Variants in DUOXA2 observed in about 807,000 individuals in gnomAD.
The protein encoded by DUOXA2 is dual oxidase maturation factor 2.
In DUOXA2, 22 loss-of-function variants were observed where a neutral mutation model predicts 27.6. That is an observed-to-expected ratio of 0.80 (90% CI 0.57 to 1.14). The LOEUF (loss-of-function observed/expected upper bound fraction) is 1.14, where lower values mean the gene tolerates loss of function less well. Among genes scored for constraint, DUOXA2 ranks in the 50% most tolerant of loss-of-function variants. DUOXA2 has a pLI of 0.00. For missense variants in DUOXA2, 481 were observed against 419.9 expected (o/e 1.15, Z -1.27); for synonymous variants, 188 against 184.4 (o/e 1.02, Z -0.16).
chr15:45,114,461 A>T lies in DUOXA2; in HGVS notation c.-145A>T. ...CCACCTCCACGCTTCCTTAACGGAG[A>T]GGTGCAGGACTCAGACTTCACCAGC... is the stretch of plus-strand genomic sequence containing the variant. On this transcript the variant is annotated 5_prime_UTR_variant, in exon 1 of 6. Coordinates refer to ENST00000323030, the MANE Select transcript of DUOXA2 (RefSeq NM_207581.4). 9.5e-7 allele frequency: 1 copy of T among 1,051,472 alleles called. No individual in the cohort carries two copies. The highest frequency in any genetic ancestry group is 2.1e-5 in the Admixed American group (1 of 47,862). 65.1% of individuals were successfully genotyped at this position (1,051,472 alleles called of 1,614,324 possible).
chr15:45,117,430 C>T lies in DUOXA2; in HGVS notation c.769+125C>T, dbSNP rs1384224210. On this transcript the variant is annotated intron_variant, in intron 5 of 5. Coordinates refer to ENST00000323030, the MANE Select transcript of DUOXA2 (RefSeq NM_207581.4). Reference sequence around the variant, plus strand: ...CCTATTTGCCCCTCTCAATAGTTCGCAGAAACAGGCACTGTTATGACCATT... The same window carrying T: ...CCTATTTGCCCCTCTCAATAGTTCGTAGAAACAGGCACTGTTATGACCATT... 1.3e-5 allele frequency: 20 copies of T among 1,524,406 alleles called. No individual in the cohort carries two copies. In the South Asian group the frequency reaches 2.3e-4, roughly 17 times the overall value. The allele number at this position is 1,524,406 out of a possible 1,614,324, so 94.4% of individuals were successfully genotyped here. A position where few individuals can be genotyped will look rare whatever the true frequency, so the allele number is the denominator to read the frequency against.
Position 45,118,146 on chromosome 15 carries a change from G to C in DUOXA2, c.*237G>C, listed in dbSNP as rs965188656. On this transcript the variant is annotated 3_prime_UTR_variant, in exon 6 of 6. Coordinates refer to ENST00000323030, the MANE Select transcript of DUOXA2 (RefSeq NM_207581.4). Reference sequence around the variant, plus strand: ...AATTTTCATGGCTTCTCCGCGCCGGGGTCGCACGTCCTCATGAGCTTCGCT... The same window carrying C: ...AATTTTCATGGCTTCTCCGCGCCGGCGTCGCACGTCCTCATGAGCTTCGCT... The C allele has an allele frequency of 8.3e-6, 12 of 1,438,352 alleles. No homozygotes were observed. The highest frequency in any genetic ancestry group is 1.1e-5 in the Non-Finnish European group (12 of 1,101,192). 89.1% of individuals were successfully genotyped at this position (1,438,352 alleles called of 1,614,324 possible). A position where few individuals can be genotyped will look rare whatever the true frequency, so the allele number is the denominator to read the frequency against.
chr15:45,114,412 CA>C lies in DUOXA2; in HGVS notation c.-192del, dbSNP rs1215214809. 1.5e-6 allele frequency: 1 copy of C among 673,088 alleles called. No homozygotes were observed. The highest frequency in any genetic ancestry group is 2.7e-5 in the East Asian group (1 of 36,478). 41.7% of individuals were successfully genotyped at this position (673,088 alleles called of 1,614,324 possible). ...CCGGCTAGAAAAACTCTGTCGGTAC[CA>C]ACCCCAGAGCGTTGAGAGCAGCCCA... On this transcript the variant is annotated 5_prime_UTR_variant, in exon 1 of 6. Coordinates refer to ENST00000323030, the MANE Select transcript of DUOXA2 (RefSeq NM_207581.4).
Position 45,118,193 on chromosome 15 carries a change from A to G in DUOXA2, c.*284A>G, listed in dbSNP as rs908595646. The G allele has an allele frequency of 7.7e-5, 109 of 1,422,490 alleles. No homozygotes were observed. Among genetic ancestry groups the G allele is most frequent in the Middle Eastern group, 5.2e-4 (2 of 3,868 alleles). 88.1% of individuals were successfully genotyped at this position (1,422,490 alleles called of 1,614,324 possible). Reference sequence around the variant, plus strand: ...CGCTGGGCTGGAGACAGCCTAGTACACTCTCCGCAGTGCTGTGAAACCTGA... The same window carrying G: ...CGCTGGGCTGGAGACAGCCTAGTACGCTCTCCGCAGTGCTGTGAAACCTGA... On this transcript the variant is annotated 3_prime_UTR_variant, in exon 6 of 6. Transcript: ENST00000323030.
intron 2 of DUOXA2, 110 bp downstream of exon 2, chr15:45,115,966 C>G: frequency 6.3e-7 from 1 of 1,590,068 alleles, no homozygotes; most frequent in Non-Finnish European, 8.6e-7. Flanking sequence ...CCTCTTCCCA[C>G]TCTCCAGCTC....
chr15:45,117,456 T>A, intron 5 of DUOXA2, 151 bp downstream of exon 5: 1 of 1,545,624 alleles, frequency 6.5e-7, no homozygotes. Flanking sequence ...TATGACCATT[T>A]TACAGATGAA....
At position 45,117,876 on chromosome 15, in the gene DUOXA2, C is replaced by A. The variant is rs575532094; in HGVS notation, c.930C>A (p.Leu310=). The A allele has an allele frequency of 6.2e-7, 1 of 1,613,600 alleles. No individual in the cohort carries two copies. The highest frequency in any genetic ancestry group is 1.1e-5 in the South Asian group (1 of 91,088). ...ACCCACTGCACAAGCAGGCCGCTCT[C>A]CCAGACTTAAAATGTATCACCACTA... The part of the protein sequence containing the change: ...LGDPLHKQAA[L]PDLKCITTNL Residue 310 remains leucine, a synonymous_variant, in exon 6 of 6, where the codon CTC becomes CTA. Transcript: ENST00000323030.
Position 45,116,151 on chromosome 15 carries a change from T to C in DUOXA2, c.233T>C (p.Val78Ala). 3 of 1,613,330 alleles carry C rather than the reference T, an allele frequency of 1.9e-6. No homozygotes were observed. In the East Asian group the frequency reaches 6.7e-5, roughly 36 times the overall value. Residue 78 changes from valine to alanine, a missense_variant, in exon 3 of 6, where the codon GTG becomes GCG. Val to Ala is a moderately conservative substitution (Grantham distance 64, BLOSUM62 0). Transcript: ENST00000323030. Reference protein sequence around the residue: ...VAVHFSAEWFVGTVNTNTSYK... With the variant: ...VAVHFSAEWFAGTVNTNTSYK... ...GTGCACTTCAGTGCAGAATGGTTCG[T>C]GGGTACAGTGAACACCAACACATCC... is the stretch of plus-strand genomic sequence containing the variant.
rs1370114 is a variant in DUOXA2, at chr15:45,116,998, A to G, written c.555-93A>G. On this transcript the variant is annotated intron_variant, in intron 4 of 5. Transcript: ENST00000323030. Reference sequence around the variant, plus strand: ...GCTGCCATCCCAGTCCCTGGCTTTGACGCTGGGGTAGGGATAAAGAAGAGC... The same window carrying G: ...GCTGCCATCCCAGTCCCTGGCTTTGGCGCTGGGGTAGGGATAAAGAAGAGC... 1,437,894 of 1,439,734 alleles carry G rather than the reference A, an allele frequency of 1. 718,049 individuals are homozygous for G. The highest frequency in any genetic ancestry group is 1 in the East Asian group (40,574 of 40,574). 89.2% of individuals were successfully genotyped at this position (1,439,734 alleles called of 1,614,324 possible).
rs1459160286 is a variant in DUOXA2 at position 45,118,106 on chromosome 15, A to G, written c.*197A>G. 2.0e-6 allele frequency: 3 copies of G among 1,489,614 alleles called. No homozygotes were observed. The highest frequency in any genetic ancestry group is 2.7e-5 in the South Asian group (2 of 73,820). 92.3% of individuals were successfully genotyped at this position (1,489,614 alleles called of 1,614,324 possible). On this transcript the variant is annotated 3_prime_UTR_variant, in exon 6 of 6. Coordinates refer to ENST00000323030, the MANE Select transcript of DUOXA2 (RefSeq NM_207581.4). Reference sequence around the variant, plus strand: ...CCTTTTTTTCTTTTGTTTTTTAAAAACTGTTTTTCCCATTAATTTTCATGG... The same window carrying G: ...CCTTTTTTTCTTTTGTTTTTTAAAAGCTGTTTTTCCCATTAATTTTCATGG...
chr15:45,117,313 C>T lies in DUOXA2; in HGVS notation c.769+8C>T, dbSNP rs774186380. 2 of 1,585,318 alleles carry T rather than the reference C, an allele frequency of 1.3e-6. No individual in the cohort carries two copies. Among genetic ancestry groups the T allele is most frequent in the South Asian group, 2.3e-5 (2 of 88,030 alleles). On this transcript the variant is annotated splice_region_variant and intron_variant, in intron 5 of 5. Coordinates refer to ENST00000323030, the MANE Select transcript of DUOXA2 (RefSeq NM_207581.4). Reference sequence around the variant, plus strand: ...GGGTCACGCTGGCAACCGGTGAGGACCGAGAGAATGGGCCCCGGGGGCTAA... The same window carrying T: ...GGGTCACGCTGGCAACCGGTGAGGATCGAGAGAATGGGCCCCGGGGGCTAA...
At chr15:45,116,950 C>A in intron 4 of DUOXA2, 141 bp from the exon 5 acceptor site, 2 of 1,150,592 alleles carry the variant, frequency 1.7e-6, no homozygotes, top group South Asian at 1.4e-5. Context: ...GCCCGCTTCT[C>A]CCCCGGGGAA....
intron 4 of DUOXA2, 152 bp downstream of exon 4, chr15:45,116,881 C>A (rs760877884): frequency 1.7e-4 from 192 of 1,106,294 alleles, no homozygotes; most frequent in Non-Finnish European, 2.3e-4. Flanking sequence ...GTTAGAAGAT[C>A]CACGAGATCT....
chr15:45,114,655 C>A lies in DUOXA2; in HGVS notation c.50C>A (p.Ala17Asp), dbSNP rs768690528. The A allele has an allele frequency of 1.2e-6, 2 of 1,614,146 alleles. No individual in the cohort carries two copies. Among genetic ancestry groups the A allele is most frequent in the South Asian group, 2.2e-5 (2 of 91,096 alleles). ...CCTTTTTACCCCCAGCCCCGGCATGCCGCAGGCTTCAGCGTTCCACTGCTC... is the reference window on the plus strand; with the variant it reads ...CCTTTTTACCCCCAGCCCCGGCATGACGCAGGCTTCAGCGTTCCACTGCTC... ...VLPFYPQPRHAAGFSVPLLIV... is the reference protein window; with the variant it reads ...VLPFYPQPRHDAGFSVPLLIV... The change falls in exon 1 of 6, where the codon GCC becomes GAC. Residue 17 changes from alanine to aspartate, a missense_variant. Coordinates refer to ENST00000323030, the MANE Select transcript of DUOXA2 (RefSeq NM_207581.4).
intron 4 of DUOXA2, 174 bp from the exon 5 acceptor site, chr15:45,116,917 C>A: frequency 1.9e-6 from 2 of 1,050,256 alleles, no homozygotes; most frequent in South Asian, 1.4e-5. Context: ...GGAGAGACTC[C>A]AGCCACCGCC....
Position 45,116,670 on chromosome 15 carries a change from C to A in DUOXA2, c.495C>A (p.Ser165Arg), listed in dbSNP as rs754859654. Residue 165 changes from serine to arginine, a missense_variant, in exon 4 of 6, where the codon AGC becomes AGA. Transcript: ENST00000323030. ...TGGCGGAGAAGTTCACACCGAGTAGCCCTTGCGGCCTGTACCACCAGTACC... is the reference window on the plus strand; with the variant it reads ...TGGCGGAGAAGTTCACACCGAGTAGACCTTGCGGCCTGTACCACCAGTACC... ...LYLAEKFTPS[S>R]PCGLYHQYHL... The A allele has an allele frequency of 5.6e-6, 9 of 1,613,766 alleles. No homozygotes were observed. The East Asian group carries it at 2.0e-4, about 36-fold the overall frequency.
chr15:45,117,539 G>A, intron 5 of DUOXA2, 177 bp from the exon 6 acceptor site: 4 of 1,565,718 alleles, frequency 2.6e-6, no homozygotes, highest in South Asian at 1.2e-5. Context: ...TGTGGCGGGA[G>A]GTAACACAAG....
chr15:45,117,778 C>T lies in DUOXA2; in HGVS notation c.832C>T (p.Leu278Phe). The stretch of plus-strand genomic sequence containing the variant: ...TCTCCAGTATGTTCGGCCCAGCGCT[C>T]TTCGCACCCTTCTGGACCAAAGCGC... ...VSLQYVRPSA[L>F]RTLLDQSAKD... is the part of the protein sequence containing the mutation. The change falls in exon 6 of 6, where the codon CTT becomes TTT. Residue 278 changes from leucine (L) to phenylalanine (F), a missense_variant. Physicochemically the swap from Leu to Phe is conservative, Grantham distance 22. Transcript: ENST00000323030. 1.2e-6 allele frequency: 2 copies of T among 1,614,010 alleles called. No homozygotes were observed. Among genetic ancestry groups the T allele is most frequent in the Non-Finnish European group, 8.5e-7 (1 of 1,180,034 alleles).
chr15:45,115,415 C>T (rs1200861598), intron 1 of DUOXA2: 3 of 487,342 alleles, frequency 6.2e-6, no homozygotes, highest in South Asian at 4.6e-5. Context: ...CTGGGGCCTC[C>T]CTCTTCTGAG....
Sources: allele counts gnomAD v4.1 joint callset, GRCh38; gene constraint gnomAD v4.1.1; transcripts MANE v1.5; gene names NCBI Gene and HGNC (gene_info 2026-07-23, HGNC 2026-07-21).